The following EPC1 variants were observed in gnomAD, a reference collection of about 807,000 sequenced individuals.
EPC1 encodes the protein enhancer of polycomb 1.
EPC1 carries 12 observed loss-of-function variants against 98.4 expected under a neutral mutation model. The ratio of observed to expected loss-of-function variants is 0.12; its 90% CI spans 0.08 to 0.20. The LOEUF (loss-of-function observed/expected upper bound fraction) is 0.20, where lower values mean the gene tolerates loss of function less well. Ranked by LOEUF, EPC1 falls within the 10% of genes least tolerant of loss-of-function variation. EPC1 has a pLI of 1.00. For missense variants in EPC1, 729 were observed against 990.5 expected (o/e 0.74, Z 3.54); for synonymous variants, 357 against 363.9 (o/e 0.98, Z 0.21).
At chr10:32,277,081 A>C (rs549531747) in intron 10 of EPC1, among the ~76,000 whole-genome samples, 8 of 152,332 alleles carry the variant, frequency 5.3e-5, no homozygotes, top group African/African-American at 1.7e-4. Flanking sequence ...ACCCCAAAGC[A>C]ATGAGATTTT....
intron 1 of EPC1, among the ~76,000 whole-genome samples, chr10:32,340,454 C>T (rs765697532): frequency 6.6e-6 from 1 of 152,106 alleles, no homozygotes; most frequent in Admixed American, 6.6e-5. Context: ...CCTATTATTA[C>T]AGGATTTAAT....
chr10:32,296,333 C>T (rs1835156273), intron 2 of EPC1, among the ~76,000 whole-genome samples: 1 of 152,202 alleles, frequency 6.6e-6, no homozygotes, highest in Non-Finnish European at 1.5e-5. Context: ...TGTCAAACCA[C>T]AATCACAAAG....
intron 2 of EPC1, among the ~76,000 whole-genome samples, chr10:32,296,182 G>A (rs1450589758): frequency 2.6e-5 from 4 of 151,714 alleles, no homozygotes; most frequent in East Asian, 1.9e-4. Flanking sequence ...TGATCCACCC[G>A]CCCCGGCCTC....
In EPC1 at chr10:32,268,503, C is replaced by A. The variant is rs1277165048; in HGVS notation, c.*560G>T. 1 of 130,718 alleles carries A rather than the reference C, an allele frequency of 7.7e-6. No individual in the cohort carries two copies. The highest frequency in any genetic ancestry group is 1.6e-5 in the Non-Finnish European group (1 of 64,316). The allele number at this position is 130,718 out of a possible 1,614,324, so 8.1% of individuals were successfully genotyped here. ...TGTCACCATTTTTTTTCACATGATA[C>A]ACAGAAAACTCAAGGACCCAGAGGG... On this transcript the variant is annotated 3_prime_UTR_variant, in exon 14 of 14. Transcript: ENST00000319778.
In EPC1 at chr10:32,377,755, C is replaced by T. The variant is rs1330995465; in HGVS notation, c.3+736G>A. 5.3e-5 allele frequency among the ~76,000 whole-genome samples: 8 copies of T among 151,500 alleles called. No individual in the cohort carries two copies. The East Asian group carries it at 1.2e-3, about 22-fold the overall frequency. ...CATAAATTGTTGAGGAGCACTACAGCGCCACCAACACAGATCAATGCAAAA... is the reference window on the plus strand; with the variant it reads ...CATAAATTGTTGAGGAGCACTACAGTGCCACCAACACAGATCAATGCAAAA... On this transcript the variant is annotated intron_variant, in intron 1 of 13. Transcript: ENST00000375110.
rs1193422736 is a variant in EPC1 at position 32,305,808 on chromosome 10, C to T, written c.277G>A (p.Glu93Lys). 1 of 1,606,946 alleles carries T rather than the reference C, an allele frequency of 6.2e-7. No individual in the cohort carries two copies. Among genetic ancestry groups the T allele is most frequent in the Non-Finnish European group, 8.5e-7 (1 of 1,177,250 alleles). The change falls in exon 2 of 14, where the codon GAA becomes AAA. Residue 93 changes from glutamate to lysine, a missense_variant. Transcript: ENST00000319778. ...ATGAGCTGCTTTGGCATCTTAAATT[C>T]CCCAGGATATATAGACTCATAGTAA... The part of the protein sequence containing the change: ...IAYYESIYPG[E>K]FKMPKQLIHI...
At chr10:32,282,064 T>G (rs2132681231) in intron 10 of EPC1, 1 of 152,252 alleles carries the variant, frequency 6.6e-6, no homozygotes, top group South Asian at 2.1e-4. Flanking sequence ...TTATAAAGTA[T>G]GCAGAGAAAA....
intron 2 of EPC1, among the ~76,000 whole-genome samples, chr10:32,301,078 C>A (rs1385452320): frequency 6.6e-6 from 1 of 152,016 alleles, no homozygotes; most frequent in African/African-American, 2.4e-5. Flanking sequence ...ATCTATCTAT[C>A]TATCTATCTA....
intron 1 of EPC1, among the ~76,000 whole-genome samples, chr10:32,346,102 T>C (rs550037443): frequency 1.3e-5 from 2 of 152,192 alleles, no homozygotes; most frequent in African/African-American, 4.8e-5. Context: ...TCTTATCTTC[T>C]AGAAAAGTAA....
At chr10:32,316,086 C>A (rs901076170) in intron 1 of EPC1, among the ~76,000 whole-genome samples, 2 of 152,106 alleles carry the variant, frequency 1.3e-5, no homozygotes, top group African/African-American at 4.8e-5. Flanking sequence ...CAGCCTGCTC[C>A]CTCACCTCAA....
At chr10:32,365,660 A>T (rs1249136755) in intron 1 of EPC1, among the ~76,000 whole-genome samples, 1 of 148,986 alleles carries the variant, frequency 6.7e-6, no homozygotes, top group Non-Finnish European at 1.5e-5. Flanking sequence ...CTAAAATTCA[A>T]AAAAGAAAAA....
At chr10:32,289,285 A>G (rs1223553641) in intron 6 of EPC1, among the ~76,000 whole-genome samples, 4 of 150,552 alleles carry the variant, frequency 2.7e-5, no homozygotes, top group Non-Finnish European at 5.9e-5. Flanking sequence ...GAATAACTCT[A>G]CTCTCCCTCC....
At chr10:32,288,126 T>C (rs1478814145) in intron 6 of EPC1, among the ~76,000 whole-genome samples, 1 of 152,164 alleles carries the variant, frequency 6.6e-6, no homozygotes, top group African/African-American at 2.4e-5. Context: ...TATGACATTA[T>C]GGTTTTTTGG....
At chr10:32,356,632 C>T (rs929362395) in intron 1 of EPC1, among the ~76,000 whole-genome samples, 2 of 152,170 alleles carry the variant, frequency 1.3e-5, no homozygotes, top group African/African-American at 2.4e-5. Context: ...GGAAAATAGA[C>T]TCTGTGAGCT....
intron 1 of EPC1, chr10:32,374,474 A>G (rs1020133369): frequency 6.6e-6 from 1 of 152,064 alleles, no homozygotes; most frequent in Non-Finnish European, 1.5e-5. Context: ...CAATAAATCA[A>G]AGTTTCATTT....
chr10:32,368,844 C>T (rs1259501727), intron 1 of EPC1, among the ~76,000 whole-genome samples: 1 of 152,132 alleles, frequency 6.6e-6, no homozygotes, highest in Admixed American at 6.5e-5. Context: ...GCAAGTCTAG[C>T]GCTATTCAAG....
At chr10:32,353,014 G>GC (rs1313024207) in intron 1 of EPC1, among the ~76,000 whole-genome samples, 1 of 152,088 alleles carries the variant, frequency 6.6e-6, no homozygotes, top group Non-Finnish European at 1.5e-5. Flanking sequence ...AATTAGCTGG[G>GC]CGTGGTGGCA....
intron 1 of EPC1, among the ~76,000 whole-genome samples, chr10:32,357,851 AT>A (rs58968767): frequency 0.018 from 2,238 of 124,572 alleles, 44 homozygotes; most frequent in African/African-American, 0.054. Flanking sequence ...TTCTCAATAA[AT>A]TTTTTTTTTT....
In EPC1 at chr10:32,345,460, T is replaced by G. The variant is rs542872441; in HGVS notation, c.153+1303A>C. On this transcript the variant is annotated intron_variant, in intron 1 of 13. Transcript: ENST00000319778. ...AATTCTTACAGTACCAAGAGAAGTA[T>G]TACAGTACAATTTTCCACAACAAAA... is the stretch of plus-strand genomic sequence containing the variant. The G allele has an allele frequency of 3.7e-5, 36 of 985,402 alleles. No homozygotes were observed. The South Asian group carries it at 1.5e-3, about 41-fold the overall frequency. The allele number at this position is 985,402 out of a possible 1,614,324, so 61.0% of individuals were successfully genotyped here. A position where few individuals can be genotyped will look rare whatever the true frequency, so the allele number is the denominator to read the frequency against.
Sources: gnomAD v4.1 joint callset for allele counts (sites outside exome capture counted in the v4.1 genomes callset) on GRCh38, gnomAD v4.1.1 for gene constraint, MANE v1.5 for transcripts, NCBI Gene and HGNC (gene_info 2026-07-23, HGNC 2026-07-21) for gene names.